Variants in GPC3 observed in about 807,000 individuals in gnomAD.
GPC3 encodes glypican 3, also known as glypican-3.
GPC3 carries 3 observed loss-of-function variants against 34.4 expected under a neutral mutation model. The ratio of observed to expected loss-of-function variants is 0.09; its 90% CI spans 0.04 to 0.23. The LOEUF is 0.23. Among genes scored for constraint, GPC3 ranks in the 10% least tolerant of loss-of-function variants. GPC3 has a pLI of 1.00. For missense variants in GPC3, 351 were observed against 445.6 expected, an observed-to-expected ratio of 0.79 and a Z score of 1.91; for synonymous variants, 177 against 174.0, an observed-to-expected ratio of 1.02 and a Z score of -0.13.
At chrX:133,684,760 C>T (rs1351914200) in intron 5 of GPC3, among the ~76,000 whole-genome samples, 1 of 111,259 alleles carries the variant, frequency 9.0e-6, no homozygotes, top group Non-Finnish European at 1.9e-5. Flanking sequence ...TATTTTAGCA[C>T]GAGAGCATGG....
chrX:133,758,949 G>A (rs915151606), intron 2 of GPC3, among the ~76,000 whole-genome samples: 6 of 110,960 alleles, frequency 5.4e-5, no homozygotes, highest in Non-Finnish European at 1.1e-4. Context: ...ATGCTTAACG[G>A]TGAGCAACTG....
intron 3 of GPC3, among the ~76,000 whole-genome samples, chrX:133,749,317 G>A (rs1202403411): frequency 9.0e-6 from 1 of 111,000 alleles, no homozygotes; most frequent in Non-Finnish European, 1.9e-5. Context: ...ACACACCTTT[G>A]GTATTAGAAT....
intron 6 of GPC3, among the ~76,000 whole-genome samples, chrX:133,645,377 T>A (rs2070531611): frequency 8.9e-6 from 1 of 111,784 alleles, no homozygotes; most frequent in African/African-American, 3.3e-5. Flanking sequence ...GGAAAGCTTA[T>A]CATGTTCTCT....
intron 7 of GPC3, among the ~76,000 whole-genome samples, chrX:133,568,082 G>T (rs1277186529): frequency 1.8e-5 from 2 of 111,822 alleles, no homozygotes; most frequent in Admixed American, 9.5e-5. Context: ...AAATCCTCAG[G>T]GAATAATCAG....
At chrX:133,777,062 G>A (rs2071993621) in intron 2 of GPC3, among the ~76,000 whole-genome samples, 1 of 108,288 alleles carries the variant, frequency 9.2e-6, no homozygotes, top group African/African-American at 3.4e-5. Context: ...TGTATTTTTA[G>A]TAGAGATGGG....
At chrX:133,703,430 C>T (rs2071183078) in intron 3 of GPC3, among the ~76,000 whole-genome samples, 1 of 109,446 alleles carries the variant, frequency 9.1e-6, no homozygotes, top group Admixed American at 9.7e-5. Context: ...AAGAAGAAGG[C>T]AGGGCCTCTG....
chrX:133,711,972 T>C (rs1435904591), intron 3 of GPC3, among the ~76,000 whole-genome samples: 1 of 112,473 alleles, frequency 8.9e-6, no homozygotes, highest in Non-Finnish European at 1.9e-5. Flanking sequence ...AATTTTGTAG[T>C]CTTGTTTTGC....
intron 2 of GPC3, among the ~76,000 whole-genome samples, chrX:133,758,386 C>T (rs956938884): frequency 1.1e-4 from 12 of 111,563 alleles, no homozygotes; most frequent in African/African-American, 3.6e-4. Context: ...TAAACAAGAT[C>T]ATGTCCTTTC....
chrX:133,874,207 A>G (rs1423828035), intron 2 of GPC3, among the ~76,000 whole-genome samples: 10 of 112,187 alleles, frequency 8.9e-5, no homozygotes, highest in Admixed American at 8.5e-4. Context: ...AACATTTTGC[A>G]GTTCCATTTT....
At chrX:133,779,902 C>G (rs899222811) in intron 2 of GPC3, among the ~76,000 whole-genome samples, 1 of 111,489 alleles carries the variant, frequency 9.0e-6, no homozygotes, top group Non-Finnish European at 1.9e-5. Context: ...AAATGGGGCC[C>G]AAATAGGAGC....
chrX:133,805,479 A>T (rs1199671024), intron 2 of GPC3, among the ~76,000 whole-genome samples: 1 of 112,110 alleles, frequency 8.9e-6, no homozygotes, highest in Non-Finnish European at 1.9e-5. Flanking sequence ...TTACCTTTGA[A>T]TGTGGTCATC....
chrX:133,904,700 T>A (rs1040694316), intron 2 of GPC3, among the ~76,000 whole-genome samples: 1 of 111,988 alleles, frequency 8.9e-6, no homozygotes, highest in African/African-American at 3.2e-5. Flanking sequence ...CTGACTAGGT[T>A]ACTGGTTCAA....
At chrX:133,848,389 A>G (rs1247812012) in intron 2 of GPC3, among the ~76,000 whole-genome samples, 1 of 112,154 alleles carries the variant, frequency 8.9e-6, no homozygotes, top group Non-Finnish European at 1.9e-5. Context: ...AATTCATCCC[A>G]TAGAGCACAC....
chrX:133,867,827 T>C (rs2075975395), intron 2 of GPC3, among the ~76,000 whole-genome samples: 3 of 106,475 alleles, frequency 2.8e-5, no homozygotes, highest in African/African-American at 1.0e-4. Context: ...AATGGCAGAA[T>C]GGTGCGCAGA....
intron 1 of GPC3, among the ~76,000 whole-genome samples, chrX:133,971,162 C>T (rs1206024085): frequency 2.7e-5 from 3 of 112,030 alleles, no homozygotes; most frequent in Non-Finnish European, 5.6e-5. Context: ...AACAAAGATG[C>T]AATTTTCATT....
intron 6 of GPC3, among the ~76,000 whole-genome samples, chrX:133,635,428 G>C (rs1309274795): frequency 1.8e-5 from 2 of 111,535 alleles, no homozygotes; most frequent in African/African-American, 6.5e-5. Flanking sequence ...ATGTGACAAA[G>C]TAGGGAAGTC....
At chrX:133,610,021 A>G (rs1215607938) in intron 6 of GPC3, among the ~76,000 whole-genome samples, 2 of 111,542 alleles carry the variant, frequency 1.8e-5, no homozygotes, top group Non-Finnish European at 3.8e-5. Context: ...TGAATTCCAA[A>G]CCTCATCAAG....
intron 2 of GPC3, among the ~76,000 whole-genome samples, chrX:133,916,997 A>T (rs2076227895): frequency 8.9e-6 from 1 of 111,920 alleles, no homozygotes. Flanking sequence ...CATTATGTCC[A>T]TGGCAAATTC....
intron 1 of GPC3, among the ~76,000 whole-genome samples, chrX:133,960,862 T>C (rs952358046): frequency 2.7e-5 from 3 of 111,321 alleles, no homozygotes; most frequent in African/African-American, 9.8e-5. Context: ...TAAGTGCAGG[T>C]TGCTCTACTA....
Sources: gnomAD v4.1 joint callset for allele counts (sites outside exome capture counted in the v4.1 genomes callset) on GRCh38, gnomAD v4.1.1 for gene constraint, MANE v1.5 for transcripts, NCBI Gene and HGNC (gene_info 2026-07-23, HGNC 2026-07-21) for gene names.